The following RAB3C variants were observed in gnomAD, a reference collection of about 807,000 sequenced individuals.
The protein encoded by RAB3C is RAB3C, member RAS oncogene family, also known as ras-related protein Rab-3C.
In RAB3C, 17 loss-of-function variants were observed where a neutral mutation model predicts 26.4. The ratio of observed to expected loss-of-function variants is 0.64; its 90% CI spans 0.44 to 0.97. RAB3C has a LOEUF of 0.97. Ranked by LOEUF, RAB3C falls within the 50% of genes least tolerant of loss-of-function variation. The probability of loss-of-function intolerance (pLI) is 0.00; values close to 1 mark genes in which losing one functional copy is unlikely to be tolerated. For missense variants in RAB3C, 242 were observed against 281.9 expected (o/e 0.86, Z 1.01); for synonymous variants, 91 against 95.9 (o/e 0.95, Z 0.30).
chr5:58,629,633 T>C (rs1039469112), intron 2 of RAB3C, among the ~76,000 whole-genome samples: 1 of 152,164 alleles, frequency 6.6e-6, no homozygotes, highest in African/African-American at 2.4e-5. Flanking sequence ...GTGGGAAAGC[T>C]TTATAATGGA....
In RAB3C at chr5:58,850,391, G is replaced by A. The variant is rs1197446246; in HGVS notation, c.497-773G>A. On this transcript the variant is annotated intron_variant, in intron 4 of 4. Coordinates refer to ENST00000282878, the MANE Select transcript of RAB3C (RefSeq NM_138453.4). ...CAGCACCCAGCTGATAGGTGCAGAGGTATACAAAGCCCTGGAGGGCTGTTG... is the reference window on the plus strand; with the variant it reads ...CAGCACCCAGCTGATAGGTGCAGAGATATACAAAGCCCTGGAGGGCTGTTG... Among the ~76,000 whole-genome samples the A allele has an allele frequency of 2.6e-5, 4 of 152,306 alleles. No individual in the cohort carries two copies. The East Asian group carries it at 5.8e-4, about 22-fold the overall frequency.
chr5:58,670,444 G>T (rs1748091942), intron 2 of RAB3C, among the ~76,000 whole-genome samples: 1 of 151,874 alleles, frequency 6.6e-6, no homozygotes, highest in Non-Finnish European at 1.5e-5. Flanking sequence ...TTCCTTTTTG[G>T]TGATTTTGGA....
chr5:58,690,008 C>G (rs1223434362), intron 2 of RAB3C, among the ~76,000 whole-genome samples: 1 of 152,078 alleles, frequency 6.6e-6, no homozygotes, highest in African/African-American at 2.4e-5. Flanking sequence ...AACTACTTTA[C>G]AATTTATACC....
intron 3 of RAB3C, among the ~76,000 whole-genome samples, chr5:58,745,956 A>G (rs1741394349): frequency 6.6e-6 from 1 of 152,192 alleles, no homozygotes; most frequent in Admixed American, 6.5e-5. Flanking sequence ...CCCAAGCCCA[A>G]TCTTATCCTA....
Position 58,856,229 on chromosome 5 carries a change from A to T in RAB3C, c.*4878A>T, listed in dbSNP as rs1329550481. The stretch of plus-strand genomic sequence containing the variant: ...CGGTTCTTCACACTGATTTCGTTTG[A>T]TTAGTCTGTGCATGTAATTAATTTC... On this transcript the variant is annotated 3_prime_UTR_variant, in exon 5 of 5. Transcript: ENST00000282878. 1.3e-5 allele frequency: 2 copies of T among 151,900 alleles called. No individual in the cohort carries two copies. Among genetic ancestry groups the T allele is most frequent in the African/African-American group, 4.8e-5 (2 of 41,354 alleles). The allele number at this position is 151,900 out of a possible 1,614,324, so 9.4% of individuals were successfully genotyped here.
chr5:58,593,377 C>T (rs1746178651), intron 1 of RAB3C, among the ~76,000 whole-genome samples: 1 of 151,994 alleles, frequency 6.6e-6, no homozygotes, highest in Admixed American at 6.6e-5. Flanking sequence ...TAAGGAAGCA[C>T]AGTAATTAAC....
chr5:58,601,533 G>T (rs574773912), intron 1 of RAB3C, among the ~76,000 whole-genome samples: 116 of 152,036 alleles, frequency 7.6e-4, no homozygotes, highest in African/African-American at 2.7e-3. Flanking sequence ...CTTGTTTTTG[G>T]TCTGTTCAGG....
Position 58,852,675 on chromosome 5 carries a change from A to T in RAB3C, c.*1324A>T, listed in dbSNP as rs1744138542. 1 of 152,184 alleles carries T rather than the reference A, an allele frequency of 6.6e-6. No homozygotes were observed. The highest frequency in any genetic ancestry group is 1.5e-5 in the Non-Finnish European group (1 of 68,044). The allele number at this position is 152,184 out of a possible 1,614,324, so 9.4% of individuals were successfully genotyped here. A position where few individuals can be genotyped will look rare whatever the true frequency, so the allele number is the denominator to read the frequency against. ...ACAAACTTCCTAAAGGACCTATATGAATAAAGAGAAAACAACAAATCCTAC... is the reference window on the plus strand; with the variant it reads ...ACAAACTTCCTAAAGGACCTATATGTATAAAGAGAAAACAACAAATCCTAC... On this transcript the variant is annotated 3_prime_UTR_variant, in exon 5 of 5. Coordinates refer to ENST00000282878, the MANE Select transcript of RAB3C (RefSeq NM_138453.4).
intron 3 of RAB3C, among the ~76,000 whole-genome samples, chr5:58,735,523 C>G (rs775826984): frequency 2.2e-4 from 33 of 152,128 alleles, no homozygotes; most frequent in Admixed American, 2.6e-4. Context: ...TGGGTAGACT[C>G]AACAGCAGAA....
chr5:58,708,104 C>T (rs1748983837), intron 2 of RAB3C, among the ~76,000 whole-genome samples: 1 of 151,966 alleles, frequency 6.6e-6, no homozygotes, highest in Non-Finnish European at 1.5e-5. Flanking sequence ...GATCCTCCCA[C>T]CTTAGCCTCC....
chr5:58,812,383 C>G (rs1399112348), intron 3 of RAB3C, among the ~76,000 whole-genome samples: 1 of 152,148 alleles, frequency 6.6e-6, no homozygotes, highest in Non-Finnish European at 1.5e-5. Context: ...CCCCAGACCT[C>G]CTGAATCAGA....
intron 3 of RAB3C, among the ~76,000 whole-genome samples, chr5:58,792,253 G>T (rs1309191581): frequency 6.6e-6 from 1 of 152,166 alleles, no homozygotes; most frequent in Non-Finnish European, 1.5e-5. Context: ...TATAAACCTG[G>T]TGGCTTCTAT....
At chr5:58,726,159 G>A (rs1740884721) in intron 3 of RAB3C, 39 bp downstream of exon 3, 3 of 1,049,220 alleles carry the variant, frequency 2.9e-6, no homozygotes, top group Non-Finnish European at 4.3e-6. Flanking sequence ...GATAATGATG[G>A]TTCTCCGGTC....
At chr5:58,613,566 A>G (rs1305112128) in intron 1 of RAB3C, among the ~76,000 whole-genome samples, 1 of 152,154 alleles carries the variant, frequency 6.6e-6, no homozygotes. Flanking sequence ...CAGAATACAC[A>G]TAAAGGTTGA....
chr5:58,818,689 T>G (rs1485415866), intron 3 of RAB3C, among the ~76,000 whole-genome samples: 2 of 152,194 alleles, frequency 1.3e-5, no homozygotes, highest in Admixed American at 6.5e-5. Context: ...TTGCAGTGAT[T>G]CAGAAATAAA....
At chr5:58,694,721 A>G (rs1244007309) in intron 2 of RAB3C, among the ~76,000 whole-genome samples, 6 of 152,308 alleles carry the variant, frequency 3.9e-5, no homozygotes, top group African/African-American at 7.2e-5. Context: ...TGTTGGCTGC[A>G]TAGATGTCTT....
intron 3 of RAB3C, among the ~76,000 whole-genome samples, chr5:58,739,827 C>A (rs1276568977): frequency 6.6e-6 from 1 of 152,184 alleles, no homozygotes; most frequent in Non-Finnish European, 1.5e-5. Context: ...ACATTTAAAG[C>A]CTATTGTATC....
intron 4 of RAB3C, among the ~76,000 whole-genome samples, chr5:58,826,184 C>T (rs1340135792): frequency 1.3e-5 from 2 of 151,868 alleles, no homozygotes; most frequent in African/African-American, 4.8e-5. Flanking sequence ...CCGGGGAGAT[C>T]AGGTGTGGAA....
At chr5:58,788,810 T>A (rs1742453196) in intron 3 of RAB3C, among the ~76,000 whole-genome samples, 1 of 152,220 alleles carries the variant, frequency 6.6e-6, no homozygotes, top group South Asian at 2.1e-4. Flanking sequence ...AAATAAGCAA[T>A]ATTTGCTACA....
Sources: gnomAD v4.1 joint callset for allele counts (sites outside exome capture counted in the v4.1 genomes callset) on GRCh38, gnomAD v4.1.1 for gene constraint, MANE v1.5 for transcripts, NCBI Gene and HGNC (gene_info 2026-07-23, HGNC 2026-07-21) for gene names.